GRXCR1: variants seen among roughly 807,000 people sequenced by gnomAD.
GRXCR1 encodes glutaredoxin and cysteine rich domain containing 1.
GRXCR1 carries 27 observed loss-of-function variants against 27.3 expected under a neutral mutation model. That is an observed-to-expected ratio of 0.99 (90% CI 0.73 to 1.37). The LOEUF (loss-of-function observed/expected upper bound fraction) is 1.37, where lower values mean the gene tolerates loss of function less well. Among genes scored for constraint, GRXCR1 ranks in the 40% most tolerant of loss-of-function variants. GRXCR1 has a pLI of 0.00. For synonymous variants in GRXCR1, 122 were observed against 131.1 expected (o/e 0.93, Z 0.47); for missense variants, 379 against 354.4 (o/e 1.07, Z -0.56).
chr4:43,014,833 C>G (rs1391442377), intron 2 of GRXCR1, among the ~76,000 whole-genome samples: 4 of 152,122 alleles, frequency 2.6e-5, no homozygotes, highest in Non-Finnish European at 5.9e-5. Flanking sequence ...ACAGCAAATA[C>G]TTATTGATTG....
At chr4:42,961,139 CG>C (rs1202792890) in intron 1 of GRXCR1, among the ~76,000 whole-genome samples, 1 of 151,792 alleles carries the variant, frequency 6.6e-6, no homozygotes, top group African/African-American at 2.4e-5. Flanking sequence ...CTGAGGATAA[CG>C]GCTTTCAGCT....
chr4:42,991,178 G>A (rs1711960389), intron 2 of GRXCR1, among the ~76,000 whole-genome samples: 1 of 151,674 alleles, frequency 6.6e-6, no homozygotes, highest in Admixed American at 6.6e-5. Flanking sequence ...GTTTTATTTT[G>A]CCTTATATTT....
chr4:42,936,678 A>AT (rs1747465588), intron 1 of GRXCR1, among the ~76,000 whole-genome samples: 1 of 151,642 alleles, frequency 6.6e-6, no homozygotes, highest in Admixed American at 6.6e-5. Flanking sequence ...TAGGTTAGAT[A>AT]TTTCATTCAT....
Position 42,942,249 on chromosome 4 carries a change from C to T in GRXCR1, c.385-20643C>T, listed in dbSNP as rs536957808. Among the ~76,000 whole-genome samples, 7 of 151,584 alleles carry T rather than the reference C, an allele frequency of 4.6e-5. No individual in the cohort carries two copies. The South Asian group carries it at 6.3e-4, about 14-fold the overall frequency. ...TGGATGCATTGTGAAACATATATACCGAGAAAAGGTGGGGGAGTTGAAGTT... is the reference window on the plus strand; with the variant it reads ...TGGATGCATTGTGAAACATATATACTGAGAAAAGGTGGGGGAGTTGAAGTT... On this transcript the variant is annotated intron_variant, in intron 1 of 3. Transcript: ENST00000399770.
chr4:42,905,066 C>T (rs1389399290), intron 1 of GRXCR1, among the ~76,000 whole-genome samples: 2 of 152,208 alleles, frequency 1.3e-5, no homozygotes, highest in Non-Finnish European at 2.9e-5. Context: ...TAGCTGCTGC[C>T]TCCAAACTTG....
chr4:42,964,084 C>T (rs1325579522), intron 2 of GRXCR1, among the ~76,000 whole-genome samples: 2 of 151,966 alleles, frequency 1.3e-5, no homozygotes, highest in Non-Finnish European at 2.9e-5. Context: ...ATAGCTATGA[C>T]ACTATGTGAT....
At chr4:42,957,080 C>A (rs939062341) in intron 1 of GRXCR1, among the ~76,000 whole-genome samples, 2 of 152,112 alleles carry the variant, frequency 1.3e-5, no homozygotes, top group Middle Eastern at 6.8e-3. Flanking sequence ...ATCTTCCTCC[C>A]ATCTTAAGAT....
chr4:42,926,382 G>A (rs1039018766), intron 1 of GRXCR1, among the ~76,000 whole-genome samples: 86 of 151,994 alleles, frequency 5.7e-4, no homozygotes, highest in African/African-American at 2.0e-3. Flanking sequence ...ACAGAATGGT[G>A]CCTGGCATAT....
At chr4:42,928,377 C>T (rs574253554) in intron 1 of GRXCR1, among the ~76,000 whole-genome samples, 126 of 152,072 alleles carry the variant, frequency 8.3e-4, no homozygotes, top group African/African-American at 2.9e-3. Flanking sequence ...GTTCAGGAAG[C>T]TTGGTTCCTT....
At position 42,963,081 on chromosome 4, in the gene GRXCR1, G is replaced by C. The variant is rs765414896; in HGVS notation, c.574G>C (p.Val192Leu). ...GKELDERCRR[V>L]SEAPSLPVVF... ...AGAGTTAGACGAACGATGCCGACGAGTTTCTGAAGCTCCTTCCCTCCCTGT... is the reference window on the plus strand; with the variant it reads ...AGAGTTAGACGAACGATGCCGACGACTTTCTGAAGCTCCTTCCCTCCCTGT... Residue 192 changes from valine to leucine, a missense_variant, in exon 2 of 4, where the codon GTT becomes CTT. Coordinates refer to ENST00000399770, the MANE Select transcript of GRXCR1 (RefSeq NM_001080476.3). 1 of 1,612,806 alleles carries C rather than the reference G, an allele frequency of 6.2e-7. No individual in the cohort carries two copies. The highest frequency in any genetic ancestry group is 1.1e-5 in the South Asian group (1 of 91,062).
chr4:42,975,604 G>T (rs533927284), intron 2 of GRXCR1, among the ~76,000 whole-genome samples: 15 of 152,144 alleles, frequency 9.9e-5, no homozygotes, highest in African/African-American at 2.9e-4. Flanking sequence ...CGGAGTCCAC[G>T]GTCTTACTGG....
intron 1 of GRXCR1, among the ~76,000 whole-genome samples, chr4:42,934,739 C>T (rs1005470883): frequency 2.0e-5 from 3 of 151,838 alleles, no homozygotes; most frequent in Admixed American, 6.6e-5. Flanking sequence ...TAATAAGGGC[C>T]ACATATATAA....
intron 2 of GRXCR1, among the ~76,000 whole-genome samples, chr4:43,010,564 TCTAA>T (rs1267579250): frequency 2.0e-5 from 3 of 152,082 alleles, no homozygotes; most frequent in Non-Finnish European, 4.4e-5. Flanking sequence ...TAGAGGATTC[TCTAA>T]CTAAAAGAAA....
intron 2 of GRXCR1, among the ~76,000 whole-genome samples, chr4:42,970,722 CG>C (rs1465571543): frequency 6.6e-6 from 1 of 152,114 alleles, no homozygotes; most frequent in Non-Finnish European, 1.5e-5. Context: ...ACTGCTCTGA[CG>C]GTCTCTGAAA....
chr4:42,936,612 A>T (rs1385947477), intron 1 of GRXCR1, among the ~76,000 whole-genome samples: 2 of 151,914 alleles, frequency 1.3e-5, no homozygotes, highest in Non-Finnish European at 1.5e-5. Context: ...TCCATACTTT[A>T]TTCAGATTTC....
chr4:42,906,053 T>C (rs553040924), intron 1 of GRXCR1, among the ~76,000 whole-genome samples: 1 of 152,324 alleles, frequency 6.6e-6, no homozygotes, highest in African/African-American at 2.4e-5. Context: ...TTTCTGCCTG[T>C]CCTTGAGGAT....
intron 1 of GRXCR1, among the ~76,000 whole-genome samples, chr4:42,938,549 T>C (rs191068887): frequency 6.6e-6 from 1 of 152,116 alleles, no homozygotes; most frequent in Non-Finnish European, 1.5e-5. Flanking sequence ...TGGTTCCCTC[T>C]GCTTTGTGGT....
chr4:42,908,603 A>T (rs551522492), intron 1 of GRXCR1, among the ~76,000 whole-genome samples: 1 of 152,308 alleles, frequency 6.6e-6, no homozygotes, highest in East Asian at 1.9e-4. Context: ...CAAAACAAGT[A>T]ATCTTCTATG....
chr4:43,022,542 G>A (rs1012899145), intron 3 of GRXCR1, among the ~76,000 whole-genome samples: 4 of 152,150 alleles, frequency 2.6e-5, no homozygotes, highest in Non-Finnish European at 5.9e-5. Flanking sequence ...TAATGGTATG[G>A]CATTGGCTTT....
Sources: gnomAD v4.1 joint callset for allele counts (sites outside exome capture counted in the v4.1 genomes callset) on GRCh38, gnomAD v4.1.1 for gene constraint, MANE v1.5 for transcripts, NCBI Gene and HGNC (gene_info 2026-07-23, HGNC 2026-07-21) for gene names.